Variants in TTLL8 observed in about 807,000 individuals in gnomAD.
TTLL8 encodes protein monoglycylase TTLL8.
A neutral mutation model predicts 77.8 loss-of-function variants in TTLL8; 65 were observed. The observed-to-expected ratio is 0.84, with a 90% CI of 0.68 to 1.03. TTLL8 has a LOEUF of 1.03. Among genes scored for constraint, TTLL8 ranks in the 50% least tolerant of loss-of-function variants. TTLL8 has a pLI of 0.00. For synonymous variants in TTLL8, 402 were observed against 422.8 expected (o/e 0.95, Z 0.60); for missense variants, 910 against 1,004.5 (o/e 0.91, Z 1.27).
chr22:50,030,414 C>G lies in TTLL8; in HGVS notation c.2203+16G>C, dbSNP rs538155056. The stretch of plus-strand genomic sequence containing the variant: ...GGCCCCCAAGCCCACAGCGCACCGC[C>G]GGCGGCGCAGGTTACCTTTTCCTCC... On this transcript the variant is annotated intron_variant, in intron 12 of 13. Coordinates refer to ENST00000266182, the Ensembl canonical transcript of TTLL8. 6.4e-5 allele frequency: 84 copies of G among 1,305,806 alleles called. No homozygotes were observed. Among genetic ancestry groups the G allele is most frequent in the Non-Finnish European group, 8.1e-5 (81 of 1,002,106 alleles). The allele number at this position is 1,305,806 out of a possible 1,614,324, so 80.9% of individuals were successfully genotyped here. A position where few individuals can be genotyped will look rare whatever the true frequency, so the allele number is the denominator to read the frequency against.
At chr22:50,048,429 T>G (rs1213897596) in intron 3 of TTLL8, among the ~76,000 whole-genome samples, 2 of 152,108 alleles carry the variant, frequency 1.3e-5, no homozygotes, top group Non-Finnish European at 2.9e-5. Context: ...CCCTCGCCCC[T>G]GGGTGAGGAC....
At chr22:50,056,213 T>A (rs1043017439), upstream of TTLL8, among the ~76,000 whole-genome samples, 8 of 152,142 alleles carry the variant, frequency 5.3e-5, no homozygotes, top group African/African-American at 1.7e-4. This position sits in a 1 kb window ranked among gnomAD's most constrained non-coding sequence, Gnocchi z 4.1. Flanking sequence ...TTCCTGCAAG[T>A]CCATGAGGCC....
At chr22:50,036,602 CTTTT>C (rs763378045) in intron 8 of TTLL8, among the ~76,000 whole-genome samples, 1 of 141,160 alleles carries the variant, frequency 7.1e-6, no homozygotes, top group African/African-American at 2.6e-5. Context: ...CTTTTCTTTT[CTTTT>C]TTTTTTTTTT....
At chr22:50,056,711 C>A, upstream of TTLL8, 1 of 980,832 alleles carries the variant, frequency 1.0e-6, no homozygotes, top group Non-Finnish European at 1.2e-6. The surrounding 1 kb of genome is among the most constrained non-coding windows in gnomAD (Gnocchi z 4.1). Flanking sequence ...GGGTCCTCCG[C>A]CTGGACCGTC....
At chr22:50,038,049 C>T (rs2061348121) in intron 8 of TTLL8, among the ~76,000 whole-genome samples, 1 of 152,118 alleles carries the variant, frequency 6.6e-6, no homozygotes, top group Non-Finnish European at 1.5e-5. Flanking sequence ...TATTTACTGT[C>T]TCTAACTTTA....
chr22:50,034,350 GA>G lies in TTLL8; in HGVS notation c.1033del (p.Ser345ProfsTer4). The G allele has an allele frequency of 7.3e-7, 1 of 1,365,476 alleles. No homozygotes were observed. The highest frequency in any genetic ancestry group is 9.8e-7 in the Non-Finnish European group (1 of 1,021,620). The allele number at this position is 1,365,476 out of a possible 1,614,324, so 84.6% of individuals were successfully genotyped here. On this transcript the variant is annotated frameshift_variant, in exon 9 of 14. Transcript: ENST00000266182. LOFTEE classifies it high-confidence loss of function. The surrounding 1 kb of genome is among the most constrained non-coding windows in gnomAD (Gnocchi z 4.1). ...GGTGCAGGGAGCATCCGCACCAGGGGACTCACCTCGGCCCCGGGACTTGGCC... is the reference window on the plus strand; with the variant it reads ...GGTGCAGGGAGCATCCGCACCAGGGGCTCACCTCGGCCCCGGGACTTGGCC...
At chr22:50,045,439 ACTGGAGATG>A in intron 5 of TTLL8, 50 bp from the exon 8 acceptor site, 1 of 1,350,092 alleles carries the variant, frequency 7.4e-7, no homozygotes, top group African/African-American at 1.5e-5. Context: ...AGGACTGGGG[ACTGGAGATG>A]GGGCCAGGGC....
chr22:50,053,806 G>C lies in TTLL8; in HGVS notation c.51+770C>G, dbSNP rs7290681. 1.3e-5 allele frequency among the ~76,000 whole-genome samples: 2 copies of C among 152,028 alleles called. 1 individual carries two copies. The highest frequency in any genetic ancestry group is 4.1e-4 in the South Asian group (2 of 4,830). On this transcript the variant is annotated intron_variant, in intron 1 of 13. Coordinates refer to ENST00000266182, the Ensembl canonical transcript of TTLL8. ...TGAAGATTGCTGCCTGACTGCACAT[G>C]TTTGTACCTGAGGGTGATGGAACGG...
chr22:50,056,894 T>C (rs148918747), upstream of TTLL8: 919 of 1,289,722 alleles, frequency 7.1e-4, 4 homozygotes, highest in African/African-American at 0.012. The surrounding 1 kb of genome is among the most constrained non-coding windows in gnomAD (Gnocchi z 4.1). Context: ...CGTCTCCATC[T>C]GAAGAAGAAG....
In TTLL8 at chr22:50,034,894, C is replaced by T. The variant is rs928814854; in HGVS notation, c.922-432G>A. Among the ~76,000 whole-genome samples the T allele has an allele frequency of 2.0e-5, 3 of 152,138 alleles. No homozygotes were observed. The highest frequency in any genetic ancestry group is 2.1e-4 in the South Asian group (1 of 4,828). On this transcript the variant is annotated intron_variant, in intron 8 of 13. Coordinates refer to ENST00000266182, the Ensembl canonical transcript of TTLL8. The surrounding 1 kb of genome is among the most constrained non-coding windows in gnomAD (Gnocchi z 4.1). ...GCCTGTGGTTGGTGGTGCCTGGGACCGACCCCTGGTAGGAAAGTGGCCGGC... is the reference window on the plus strand; with the variant it reads ...GCCTGTGGTTGGTGGTGCCTGGGACTGACCCCTGGTAGGAAAGTGGCCGGC...
At chr22:50,035,097 C>T (rs1046437049) in intron 8 of TTLL8, among the ~76,000 whole-genome samples, 4 of 152,136 alleles carry the variant, frequency 2.6e-5, no homozygotes, top group African/African-American at 9.7e-5. Flanking sequence ...CGGGGGTGCA[C>T]TCCTGCTGCC....
chr22:50,022,139 A>ACTCCTCCATCTGATGACG (rs1569218408), intron 12 of TTLL8, among the ~76,000 whole-genome samples: 15 of 127,514 alleles, frequency 1.2e-4, no homozygotes, highest in African/African-American at 4.1e-4. Flanking sequence ...TCCATCTGAC[A>ACTCCTCCATCTGATGACG]TGCACTCCTC....
At chr22:50,050,847 C>T (rs1053092454) in intron 1 of TTLL8, among the ~76,000 whole-genome samples, 2 of 152,232 alleles carry the variant, frequency 1.3e-5, no homozygotes, top group South Asian at 2.1e-4. Flanking sequence ...GACCCTTTCA[C>T]GTGGACCCCT....
Position 50,041,103 on chromosome 22 carries a change from C to CT in TTLL8, c.921+83dup, listed in dbSNP as rs2146672300. 2.8e-6 allele frequency: 1 copy of CT among 357,522 alleles called. No individual in the cohort carries two copies. Among genetic ancestry groups the CT allele is most frequent in the African/African-American group, 2.3e-5 (1 of 44,338 alleles). The allele number at this position is 357,522 out of a possible 1,614,324, so 22.1% of individuals were successfully genotyped here. A position where few individuals can be genotyped will look rare whatever the true frequency, so the allele number is the denominator to read the frequency against. ...AGTCACTCGCCAGCTGCCAGGAGCT[C>CT]TGGGCCCAGGCACACCTCTGCCAGT... On this transcript the variant is annotated intron_variant, in intron 8 of 13. Coordinates refer to ENST00000266182, the Ensembl canonical transcript of TTLL8. This position sits in a 1 kb window ranked among gnomAD's most constrained non-coding sequence, Gnocchi z 4.3.
intron 3 of TTLL8, among the ~76,000 whole-genome samples, chr22:50,047,528 C>T (rs530275429): frequency 6.6e-5 from 10 of 152,242 alleles, no homozygotes; most frequent in South Asian, 2.1e-4. Context: ...GGGGCCACCC[C>T]GATGTGGGGC....
intron 10 of TTLL8, chr22:50,032,994 C>A (rs776875785): frequency 1.5e-5 from 4 of 267,444 alleles, no homozygotes; most frequent in Non-Finnish European, 2.3e-5. Flanking sequence ...GGGTGTAGGG[C>A]GCTGGCTTTG....
Position 50,041,843 on chromosome 22 carries a change from T to G in TTLL8, c.644-36A>C, listed in dbSNP as rs756071291. ...GACACAGGCACATGCAGTGGGAACC[T>G]CACCCAGGGGCAGCCCTGCCCGCCT... On this transcript the variant is annotated intron_variant, in intron 6 of 13. Transcript: ENST00000266182. The surrounding 1 kb of genome is among the most constrained non-coding windows in gnomAD (Gnocchi z 4.3). 3.0e-6 allele frequency: 4 copies of G among 1,335,722 alleles called. No individual in the cohort carries two copies. The highest frequency in any genetic ancestry group is 4.0e-6 in the Non-Finnish European group (4 of 1,009,824). 82.7% of individuals were successfully genotyped at this position (1,335,722 alleles called of 1,614,324 possible).
chr22:50,020,544 T>C (rs1045456240), intron 12 of TTLL8, among the ~76,000 whole-genome samples: 1 of 148,218 alleles, frequency 6.7e-6, no homozygotes, highest in Admixed American at 6.7e-5. Context: ...TGTGTACTCC[T>C]CCATCTGACA....
rs111904320 is a variant in TTLL8 at position 50,046,842 on chromosome 22, C to T, written c.393+326G>A. On this transcript the variant is annotated intron_variant, in intron 4 of 13. Transcript: ENST00000266182. Reference sequence around the variant, plus strand: ...GTGCCCGGTGCTGGGGGGAGCGGCACCTCTTCCCCTGGGGTCCCACAGCCC... The same window carrying T: ...GTGCCCGGTGCTGGGGGGAGCGGCATCTCTTCCCCTGGGGTCCCACAGCCC... Among the ~76,000 whole-genome samples the T allele has an allele frequency of 1.8e-3, 267 of 152,278 alleles. 1 individual carries two copies. Among genetic ancestry groups the T allele is most frequent in the African/African-American group, 6.2e-3 (259 of 41,558 alleles).
Sources: gnomAD v4.1 joint callset for allele counts (sites outside exome capture counted in the v4.1 genomes callset) on GRCh38, gnomAD v4.1.1 for gene constraint, Gnocchi (gnomAD v3.1) non-coding constraint, MANE v1.5 for transcripts, NCBI Gene and HGNC (gene_info 2026-07-23, HGNC 2026-07-21) for gene names.